Variants in NCOR2 observed in about 807,000 individuals in gnomAD.
NCOR2 encodes the protein CTG repeat protein 26.
In NCOR2, 81 loss-of-function variants were observed where a neutral mutation model predicts 262.9. The ratio of observed to expected loss-of-function variants is 0.31; its 90% CI spans 0.26 to 0.37. The LOEUF (loss-of-function observed/expected upper bound fraction) is 0.37, where lower values mean the gene tolerates loss of function less well. Among genes scored for constraint, NCOR2 ranks in the 10% least tolerant of loss-of-function variants. The pLI is 1.00. For missense variants in NCOR2, 3,385 were observed against 3,621.4 expected, an observed-to-expected ratio of 0.93 and a Z score of 1.68; for synonymous variants, 1,659 against 1,559.3, an observed-to-expected ratio of 1.06 and a Z score of -1.51.
chr12:124,344,272 A>G (rs1312708331), intron 32 of NCOR2, among the ~76,000 whole-genome samples: 1 of 152,254 alleles, frequency 6.6e-6, no homozygotes, highest in African/African-American at 2.4e-5. Context: ...TGAAGTTGCT[A>G]GAAGGATGGA....
intron 27 of NCOR2, among the ~76,000 whole-genome samples, chr12:124,351,720 G>C (rs1186213870): frequency 6.8e-6 from 1 of 146,140 alleles, no homozygotes; most frequent in Admixed American, 7.0e-5. Context: ...AAGCTGCCGT[G>C]GGACCTCCTT....
intron 1 of NCOR2, among the ~76,000 whole-genome samples, chr12:124,553,882 C>T (rs2051796377): frequency 6.6e-6 from 1 of 152,178 alleles, no homozygotes. Flanking sequence ...CGTCCAAGAG[C>T]CCGAGCTGCA....
rs1342932654 is a variant in NCOR2 at position 124,448,716 on chromosome 12, TCCCC to T, written c.815+1095_815+1098del. 3.3e-3 allele frequency among the ~76,000 whole-genome samples: 499 copies of T among 152,268 alleles called. 2 individuals are homozygous for T. The highest frequency in any genetic ancestry group is 0.011 in the African/African-American group (472 of 41,552). ...TCTGGAAACTACAACAGCAGCGATCTCCCCGTCGACTAGTCCAGCACCAGCAGAT... is the reference window on the plus strand; with the variant it reads ...TCTGGAAACTACAACAGCAGCGATCTGTCGACTAGTCCAGCACCAGCAGAT... On this transcript the variant is annotated intron_variant, in intron 7 of 46. Coordinates refer to ENST00000405201, the Ensembl canonical transcript of NCOR2.
chr12:124,411,273 C>CAG (rs746631858), intron 13 of NCOR2, among the ~76,000 whole-genome samples: 15 of 151,280 alleles, frequency 9.9e-5, no homozygotes, highest in South Asian at 4.2e-4. Flanking sequence ...CATACACACA[C>CAG]AGAGAGAGAG....
At chr12:124,383,982 G>T (rs2136102263) in intron 17 of NCOR2, among the ~76,000 whole-genome samples, 4 of 152,306 alleles carry the variant, frequency 2.6e-5, no homozygotes, top group Admixed American at 2.6e-4. Flanking sequence ...GCTGCAGCGG[G>T]GGGAGACGTC....
intron 7 of NCOR2, 105 bp downstream of exon 9, chr12:124,449,710 C>T (rs186185771): frequency 6.5e-5 from 91 of 1,394,374 alleles, no homozygotes; most frequent in Non-Finnish European, 7.4e-5. Flanking sequence ...CCGGGAGCCC[C>T]TGATGGGAAC....
chr12:124,334,474 CG>C lies in NCOR2; in HGVS notation c.6554del (p.Pro2185ArgfsTer44). On this transcript the variant is annotated frameshift_variant, in exon 41 of 47. Coordinates refer to ENST00000405201, the Ensembl canonical transcript of NCOR2. LOFTEE classifies it high-confidence loss of function. ...AGCCACGGGCCGGGGCACCATGGTCCGGGGGCGGGAGGTAGAGGTCACTGGG... is the reference window on the plus strand; with the variant it reads ...AGCCACGGGCCGGGGCACCATGGTCCGGGGCGGGAGGTAGAGGTCACTGGG... 2 of 1,468,914 alleles carry C rather than the reference CG, an allele frequency of 1.4e-6. No homozygotes were observed. The highest frequency in any genetic ancestry group is 9.0e-7 in the Non-Finnish European group (1 of 1,110,166). 91.0% of individuals were successfully genotyped at this position (1,468,914 alleles called of 1,614,324 possible). A position where few individuals can be genotyped will look rare whatever the true frequency, so the allele number is the denominator to read the frequency against.
chr12:124,496,337 C>A (rs1593826836), upstream of NCOR2, among the ~76,000 whole-genome samples: 1 of 152,182 alleles, frequency 6.6e-6, no homozygotes, highest in East Asian at 1.9e-4. The surrounding 1 kb of genome is among the most constrained non-coding windows in gnomAD (Gnocchi z 4.4). Context: ...CCTCCACACT[C>A]TCCCTGAACC....
chr12:124,506,700 G>A (rs997479248), intron 1 of NCOR2, among the ~76,000 whole-genome samples: 1 of 152,178 alleles, frequency 6.6e-6, no homozygotes, highest in African/African-American at 2.4e-5. Flanking sequence ...TTTTCCATTA[G>A]ACCCATCTCC....
intron 1 of NCOR2, among the ~76,000 whole-genome samples, chr12:124,552,675 T>C (rs534933649): frequency 1.3e-5 from 2 of 152,242 alleles, no homozygotes; most frequent in South Asian, 4.2e-4. Context: ...CACAAGTTTT[T>C]TCGGGGGGGT....
At chr12:124,501,112 C>A (rs2048708432) in intron 1 of NCOR2, among the ~76,000 whole-genome samples, 1 of 147,442 alleles carries the variant, frequency 6.8e-6, no homozygotes, top group African/African-American at 2.5e-5. Flanking sequence ...ACACACTCGA[C>A]AGAACCCTCT....
intron 3 of NCOR2, among the ~76,000 whole-genome samples, chr12:124,473,968 G>T (rs540317725): frequency 6.6e-6 from 1 of 152,246 alleles, no homozygotes; most frequent in South Asian, 2.1e-4. Context: ...GTCCCTTACA[G>T]CCTTCAAGAT....
At chr12:124,326,288 G>C in exon 46 of NCOR2, 1 of 1,566,918 alleles carries the variant, frequency 6.4e-7, no homozygotes, top group East Asian at 2.4e-5. Context: ...AGGGTGGCCG[G>C]TCCCCAGATG....
intron 20 of NCOR2, among the ~76,000 whole-genome samples, chr12:124,367,034 A>G (rs908817785): frequency 2.7e-4 from 41 of 152,262 alleles, no homozygotes; most frequent in Non-Finnish European, 4.3e-4. Flanking sequence ...ACGTTTGTAT[A>G]TGTGTAAAGA....
chr12:124,458,784 C>G (rs1469198822), intron 5 of NCOR2, among the ~76,000 whole-genome samples: 4 of 152,196 alleles, frequency 2.6e-5, no homozygotes, highest in African/African-American at 9.7e-5. Flanking sequence ...AGGACCACCC[C>G]TAGGCTTGGG....
At chr12:124,416,833 G>A (rs1316428278) in intron 13 of NCOR2, among the ~76,000 whole-genome samples, 1 of 126,160 alleles carries the variant, frequency 7.9e-6, no homozygotes, top group African/African-American at 2.9e-5. Flanking sequence ...GCGGCACAGG[G>A]AGACCCCGTG....
intron 16 of NCOR2, among the ~76,000 whole-genome samples, chr12:124,395,797 C>A (rs1409814680): frequency 2.0e-5 from 3 of 152,044 alleles, no homozygotes; most frequent in African/African-American, 7.2e-5. Context: ...TTGGGGATGT[C>A]CACGCGGAGT....
chr12:124,458,964 A>C (rs1479377254), intron 5 of NCOR2, among the ~76,000 whole-genome samples: 1 of 152,180 alleles, frequency 6.6e-6, no homozygotes, highest in Non-Finnish European at 1.5e-5. Context: ...GCAGCTCCCA[A>C]ACACTGGGAC....
At chr12:124,461,875 G>A (rs951470070) in intron 5 of NCOR2, among the ~76,000 whole-genome samples, 66 of 152,032 alleles carry the variant, frequency 4.3e-4, no homozygotes, top group East Asian at 7.7e-4. Flanking sequence ...ACACATACAC[G>A]CACCCACGTG....
Sources: gnomAD v4.1 joint callset for allele counts (sites outside exome capture counted in the v4.1 genomes callset) on GRCh38, gnomAD v4.1.1 for gene constraint, Gnocchi (gnomAD v3.1) non-coding constraint, MANE v1.5 for transcripts, NCBI Gene and HGNC (gene_info 2026-07-23, HGNC 2026-07-21) for gene names.